The following ARFRP1 variants were observed in gnomAD, a reference collection of about 807,000 sequenced individuals.
The protein encoded by ARFRP1 is ARF related protein 1, also known as ADP-ribosylation factor-related protein 1.
ARFRP1 carries 19 observed loss-of-function variants against 30.3 expected under a neutral mutation model. The ratio of observed to expected loss-of-function variants is 0.63; its 90% CI spans 0.44 to 0.92. The LOEUF (loss-of-function observed/expected upper bound fraction) is 0.92, where lower values mean the gene tolerates loss of function less well. Ranked by LOEUF, ARFRP1 falls within the 40% of genes least tolerant of loss-of-function variation. ARFRP1 has a pLI of 0.00. For missense variants in ARFRP1, 245 were observed against 267.5 expected, an observed-to-expected ratio of 0.92 and a Z score of 0.59; for synonymous variants, 133 against 114.2, an observed-to-expected ratio of 1.16 and a Z score of -1.05.
chr20:63,701,993 C>T lies in ARFRP1; in HGVS notation c.347-93G>A, dbSNP rs573099359. ...GGCGTGGACACTGTGACAGCCACTC[C>T]CTCTGCCCCCCCCCCCCCCGTCACC... is the stretch of plus-strand genomic sequence containing the variant. On this transcript the variant is annotated intron_variant, in intron 5 of 7. Coordinates refer to ENST00000622789, the MANE Select transcript of ARFRP1 (RefSeq NM_001267547.3). The T allele has an allele frequency of 1.3e-3, 1,571 of 1,173,464 alleles. 24 individuals are homozygous for T. The Middle Eastern group carries it at 0.018, about 13-fold the overall frequency. The allele number at this position is 1,173,464 out of a possible 1,614,324, so 72.7% of individuals were successfully genotyped here. A position where few individuals can be genotyped will look rare whatever the true frequency, so the allele number is the denominator to read the frequency against.
Position 63,700,554 on chromosome 20 carries a change from C to CG in ARFRP1, c.519-25dup, listed in dbSNP as rs535964457. The CG allele has an allele frequency of 2.8e-4, 455 of 1,610,560 alleles. 2 individuals are homozygous for CG. In the African/African-American group the frequency reaches 5.1e-3, roughly 18 times the overall value. Reference sequence around the variant, plus strand: ...TGCTGTGAAGACAGCGGGTGTGAGGCGGGGGGTCTCGGTCCCCAAAGCCCC... The same window carrying CG: ...TGCTGTGAAGACAGCGGGTGTGAGGCGGGGGGGTCTCGGTCCCCAAAGCCCC... On this transcript the variant is annotated intron_variant, in intron 7 of 7. Transcript: ENST00000622789.
At chr20:63,704,500 G>A (rs553562926) in intron 4 of ARFRP1, 3 of 152,336 alleles carry the variant, frequency 2.0e-5, no homozygotes, top group African/African-American at 7.2e-5. Context: ...GTGGTGTCTG[G>A]AGAAGGGCTC....
chr20:63,700,576 C>T (rs985172462), intron 7 of ARFRP1, 26 bp downstream of exon 7: 6 of 1,610,174 alleles, frequency 3.7e-6, no homozygotes, highest in African/African-American at 2.7e-5. Flanking sequence ...GTCCCCAAAG[C>T]CCCCGCAGGT....
At chr20:63,707,145 T>TC (rs1315831598) in intron 1 of ARFRP1, 48 bp from the exon 2 acceptor site, 2 of 1,506,794 alleles carry the variant, frequency 1.3e-6, no homozygotes, top group South Asian at 2.4e-5. Flanking sequence ...GCACCTCCCC[T>TC]CCCCCGGGCT....
rs2091089330 is a variant in ARFRP1, at chr20:63,699,540, C to T, written c.*903G>A. On this transcript the variant is annotated 3_prime_UTR_variant, in exon 8 of 8. Transcript: ENST00000622789. ...CTCGCCGTCTTTATTTTGCACTCACCCTGGGTGACACTGGGCAGGCCGCTC... is the reference window on the plus strand; with the variant it reads ...CTCGCCGTCTTTATTTTGCACTCACTCTGGGTGACACTGGGCAGGCCGCTC... 6.6e-6 allele frequency: 1 copy of T among 152,458 alleles called. No individual in the cohort carries two copies. Among genetic ancestry groups the T allele is most frequent in the African/African-American group, 2.4e-5 (1 of 41,454 alleles). 9.4% of individuals were successfully genotyped at this position (152,458 alleles called of 1,614,324 possible). A position where few individuals can be genotyped will look rare whatever the true frequency, so the allele number is the denominator to read the frequency against.
At chr20:63,706,780 A>G (rs900470656) in intron 2 of ARFRP1, 42 bp from the exon 3 acceptor site, 1 of 1,495,162 alleles carries the variant, frequency 6.7e-7, no homozygotes, top group Non-Finnish European at 9.3e-7. Context: ...AGGAGGGGCT[A>G]TACTGGCTTC....
At chr20:63,707,251 C>T (rs1315255849) in intron 1 of ARFRP1, 154 bp from the exon 2 acceptor site, 4 of 633,774 alleles carry the variant, frequency 6.3e-6, no homozygotes, top group East Asian at 2.7e-5. Flanking sequence ...CCCACCCCGT[C>T]CCTCTGTAAC....
At position 63,699,480 on chromosome 20, in the gene ARFRP1, C is replaced by T. The variant is rs2091085096; in HGVS notation, c.*963G>A. Reference sequence around the variant, plus strand: ...ACCGTGTCCAACAGCCAGGAGCCTCCACCCTCCAGGAGGGAAGGGATGGAC... The same window carrying T: ...ACCGTGTCCAACAGCCAGGAGCCTCTACCCTCCAGGAGGGAAGGGATGGAC... On this transcript the variant is annotated 3_prime_UTR_variant, in exon 8 of 8. Transcript: ENST00000622789. 1 of 152,588 alleles carries T rather than the reference C, an allele frequency of 6.6e-6. No homozygotes were observed. The highest frequency in any genetic ancestry group is 6.5e-5 in the Admixed American group (1 of 15,288). The allele number at this position is 152,588 out of a possible 1,614,324, so 9.5% of individuals were successfully genotyped here.
Position 63,699,983 on chromosome 20 carries a change from CCGGGG to C in ARFRP1, c.*455_*459del, listed in dbSNP as rs2091114358. ...AGGCAAGATCAGCCCCAGACCACTT[CCGGGG>C]TCACGGGGTCACGGGGTCACAGGGC... On this transcript the variant is annotated 3_prime_UTR_variant, in exon 8 of 8. Transcript: ENST00000622789. 4.3e-6 allele frequency: 1 copy of C among 231,680 alleles called. No individual in the cohort carries two copies. Among genetic ancestry groups the C allele is most frequent in the Non-Finnish European group, 8.7e-6 (1 of 114,770 alleles). The allele number at this position is 231,680 out of a possible 1,614,324, so 14.4% of individuals were successfully genotyped here.
intron 5 of ARFRP1, 56 bp downstream of exon 5, chr20:63,702,080 C>A: frequency 6.4e-7 from 1 of 1,570,952 alleles, no homozygotes; most frequent in Non-Finnish European, 8.7e-7. Flanking sequence ...GCTGCCCAAG[C>A]TGGACCTGCC....
At chr20:63,701,998 G>GCCCACCCCCCCCCCCCCC in intron 5 of ARFRP1, 98 bp from the exon 6 acceptor site, 1 of 583,916 alleles carries the variant, frequency 1.7e-6, no homozygotes, top group Non-Finnish European at 2.6e-6. Context: ...CACTCCCTCT[G>GCCCACCCCCCCCCCCCCC]CCCCCCCCCC....
In ARFRP1 at chr20:63,701,871, C is replaced by T. The variant is rs201823534; in HGVS notation, c.376G>A (p.Gly126Ser). 52 of 1,550,428 alleles carry T rather than the reference C, an allele frequency of 3.4e-5. No individual in the cohort carries two copies. Among genetic ancestry groups the T allele is most frequent in the East Asian group, 1.2e-4 (5 of 41,022 alleles). Residue 126 changes from glycine to serine, a missense_variant, in exon 6 of 8, where the codon GGT becomes AGT. Physicochemically the swap from Gly to Ser is moderately conservative, Grantham distance 56. Transcript: ENST00000622789. ...EKVVTSEALC[G>S]VPVLVLANKQ... Reference sequence around the variant, plus strand: ...TTGGCCAGCACCAAGACGGGGACACCGCACAGCGCCTCGCTGGTCACCACC... The same window carrying T: ...TTGGCCAGCACCAAGACGGGGACACTGCACAGCGCCTCGCTGGTCACCACC...
intron 6 of ARFRP1, chr20:63,701,336 A>T: frequency 1.9e-6 from 1 of 534,824 alleles, no homozygotes. Context: ...ACTCCAAGAG[A>T]ACAGCTAGAA....
intron 5 of ARFRP1, 98 bp from the exon 6 acceptor site, chr20:63,701,998 G>GCCCCCCCCCCCCCCCCCCCCCCCC (rs59166240): frequency 1.9e-6 from 1 of 523,758 alleles, no homozygotes; most frequent in Admixed American, 4.3e-5. Context: ...CACTCCCTCT[G>GCCCCCCCCCCCCCCCCCCCCCCCC]CCCCCCCCCC....
rs770519445 is a variant in ARFRP1, at chr20:63,700,722, G to A, written c.418-20C>T. ...GCACGTCTGGGGGAGGTAAGGCCGTGAGGAGCAGCCCCCACGTCTGGCCCT... is the reference window on the plus strand; with the variant it reads ...GCACGTCTGGGGGAGGTAAGGCCGTAAGGAGCAGCCCCCACGTCTGGCCCT... On this transcript the variant is annotated intron_variant, in intron 6 of 7. Transcript: ENST00000622789. 2.5e-6 allele frequency: 4 copies of A among 1,607,928 alleles called. No homozygotes were observed. The highest frequency in any genetic ancestry group is 3.4e-6 in the Non-Finnish European group (4 of 1,178,926).
At position 63,707,070 on chromosome 20, in the gene ARFRP1, A is replaced by G. The variant is rs1364720078; in HGVS notation, c.22T>C (p.Leu8=). MYTLLSG[L]YKYMFQKDEY... is the part of the protein sequence containing the mutation. The stretch of plus-strand genomic sequence containing the variant: ...TCCTTCTGAAACATGTACTTGTACA[A>G]GCCCGACAGCAGCGTGTACATCCTG... The change falls in exon 2 of 8, where the codon TTG becomes CTG. Residue 8 remains leucine (L), a synonymous_variant. Coordinates refer to ENST00000622789, the MANE Select transcript of ARFRP1 (RefSeq NM_001267547.3). 6.2e-7 allele frequency: 1 copy of G among 1,613,456 alleles called. No individual in the cohort carries two copies. Among genetic ancestry groups the G allele is most frequent in the Admixed American group, 1.7e-5 (1 of 59,980 alleles).
intron 6 of ARFRP1, among the ~76,000 whole-genome samples, chr20:63,701,027 C>T (rs1043297635): frequency 1.3e-5 from 2 of 152,146 alleles, no homozygotes; most frequent in Non-Finnish European, 2.9e-5. Flanking sequence ...GAGGCAGGTC[C>T]CAGGGGCCCA....
intron 4 of ARFRP1, chr20:63,704,862 G>A (rs2091381298): frequency 6.6e-6 from 1 of 152,294 alleles, no homozygotes; most frequent in Non-Finnish European, 1.5e-5. Context: ...CACCTGCCCA[G>A]GGCAGCCCAC....
In ARFRP1 at chr20:63,701,987, C is replaced by A. The variant is rs369027488; in HGVS notation, c.347-87G>T. The A allele has an allele frequency of 4.6e-6, 6 of 1,304,052 alleles. No individual in the cohort carries two copies. The African/African-American group carries it at 7.6e-5, about 17-fold the overall frequency. The allele number at this position is 1,304,052 out of a possible 1,614,324, so 80.8% of individuals were successfully genotyped here. Reference sequence around the variant, plus strand: ...CCCACAGGCGTGGACACTGTGACAGCCACTCCCTCTGCCCCCCCCCCCCCC... The same window carrying A: ...CCCACAGGCGTGGACACTGTGACAGACACTCCCTCTGCCCCCCCCCCCCCC... On this transcript the variant is annotated intron_variant, in intron 5 of 7. Coordinates refer to ENST00000622789, the MANE Select transcript of ARFRP1 (RefSeq NM_001267547.3).
Sources: gnomAD v4.1 joint callset for allele counts (sites outside exome capture counted in the v4.1 genomes callset) on GRCh38, gnomAD v4.1.1 for gene constraint, MANE v1.5 for transcripts, NCBI Gene and HGNC (gene_info 2026-07-23, HGNC 2026-07-21) for gene names.